The following RASGRP1 variants were observed in gnomAD, a reference collection of about 807,000 sequenced individuals.
RASGRP1 encodes RAS guanyl releasing protein 1.
Under a neutral mutation model 95.1 loss-of-function variants are expected in RASGRP1, and 37 were observed. The ratio of observed to expected loss-of-function variants is 0.39; its 90% CI spans 0.30 to 0.51. RASGRP1 has a LOEUF of 0.51. Ranked by LOEUF, RASGRP1 falls within the 20% of genes least tolerant of loss-of-function variation. The pLI is 0.80. For missense variants in RASGRP1, 711 were observed against 965.4 expected, an observed-to-expected ratio of 0.74 and a Z score of 3.49; for synonymous variants, 325 against 353.4, an observed-to-expected ratio of 0.92 and a Z score of 0.90.
At chr15:38,527,423 G>A (rs774531428) in intron 2 of RASGRP1, among the ~76,000 whole-genome samples, 4 of 152,142 alleles carry the variant, frequency 2.6e-5, no homozygotes, top group African/African-American at 7.2e-5. Context: ...ACCAGCTCTC[G>A]TTGGATCTAA....
intron 2 of RASGRP1, among the ~76,000 whole-genome samples, chr15:38,546,032 T>C (rs1893090507): frequency 6.6e-6 from 1 of 152,192 alleles, no homozygotes; most frequent in Non-Finnish European, 1.5e-5. Context: ...TTTTTTGGCA[T>C]AGCCATTATA....
chr15:38,526,003 T>G (rs184153946), intron 3 of RASGRP1, among the ~76,000 whole-genome samples: 34 of 152,312 alleles, frequency 2.2e-4, no homozygotes, highest in African/African-American at 7.9e-4. Context: ...GAATATCTAT[T>G]TTGCACACTC....
chr15:38,560,791 A>G (rs982928412), intron 1 of RASGRP1, among the ~76,000 whole-genome samples: 3 of 152,218 alleles, frequency 2.0e-5, no homozygotes, highest in African/African-American at 7.2e-5. Flanking sequence ...CAGAAAGCAG[A>G]GCTGTGAGAG....
intron 8 of RASGRP1, among the ~76,000 whole-genome samples, chr15:38,509,403 T>A (rs959227700): frequency 3.3e-5 from 5 of 152,182 alleles, no homozygotes; most frequent in Non-Finnish European, 7.4e-5. Flanking sequence ...TAAGATTTCA[T>A]CATGCTACTC....
At chr15:38,564,310 G>A (rs1179779353) in intron 1 of RASGRP1, among the ~76,000 whole-genome samples, 1 of 152,132 alleles carries the variant, frequency 6.6e-6, no homozygotes, top group Non-Finnish European at 1.5e-5. Flanking sequence ...GGCGGGCGCC[G>A]GCTCCGCGAA....
intron 6 of RASGRP1, among the ~76,000 whole-genome samples, chr15:38,515,491 A>T (rs1320191277): frequency 6.6e-6 from 1 of 152,182 alleles, no homozygotes; most frequent in African/African-American, 2.4e-5. Context: ...TTGGGATCAC[A>T]TATGGATTGC....
intron 2 of RASGRP1, among the ~76,000 whole-genome samples, chr15:38,548,245 G>A (rs996476131): frequency 1.3e-5 from 2 of 152,040 alleles, no homozygotes; most frequent in Admixed American, 6.6e-5. Flanking sequence ...TTTGTCCTAG[G>A]TTTGAGGACA....
rs1891319390 is a variant in RASGRP1 at position 38,507,738 on chromosome 15, T to A, written c.1230A>T (p.Val410=). 2.6e-6 allele frequency: 4 copies of A among 1,568,256 alleles called. No individual in the cohort carries two copies. The East Asian group carries it at 9.4e-5, about 37-fold the overall frequency. The stretch of plus-strand genomic sequence containing the variant: ...GTGTGAGCCTCACCGTCAGCAAGTG[T>A]ACCAAGTCCTTGTTAGCCTCCAAGG... ...APPLEANKDL[V]HLLTLSLDLY... is the part of the protein sequence containing the mutation. The change falls in exon 9 of 17, where the codon GTA becomes GTT. Residue 410 remains valine (V), a synonymous_variant. Coordinates refer to ENST00000310803, the MANE Select transcript of RASGRP1 (RefSeq NM_005739.4).
intron 3 of RASGRP1, among the ~76,000 whole-genome samples, chr15:38,521,979 C>T (rs375727469): frequency 2.0e-5 from 3 of 152,154 alleles, no homozygotes; most frequent in East Asian, 1.9e-4. Context: ...CCTTTCCCTA[C>T]CCCAGGTTAC....
At chr15:38,505,747 C>G (rs2141099585) in intron 10 of RASGRP1, 93 bp downstream of exon 10, 2 of 1,016,938 alleles carry the variant, frequency 2.0e-6, no homozygotes, top group Non-Finnish European at 1.5e-6. Context: ...ATGTATTAAA[C>G]TGAACTGAAA....
chr15:38,548,995 A>C (rs1013450658), intron 2 of RASGRP1, among the ~76,000 whole-genome samples: 2 of 152,220 alleles, frequency 1.3e-5, no homozygotes, highest in African/African-American at 4.8e-5. Flanking sequence ...CAAGCCAAAC[A>C]GTCAGGTGGA....
chr15:38,503,264 G>T lies in RASGRP1; in HGVS notation c.1428+8C>A. 6.3e-7 allele frequency: 1 copy of T among 1,592,868 alleles called. No individual in the cohort carries two copies. Among genetic ancestry groups the T allele is most frequent in the Non-Finnish European group, 8.6e-7 (1 of 1,162,718 alleles). On this transcript the variant is annotated splice_region_variant and intron_variant, in intron 11 of 16. Transcript: ENST00000310803. ...TAGTTTTTGTGTGCTGAACACAGCT[G>T]TACTTACATCCACCATCCTCTGGAC...
chr15:38,521,479 G>A (rs987451652), intron 3 of RASGRP1, among the ~76,000 whole-genome samples: 6 of 152,134 alleles, frequency 3.9e-5, no homozygotes, highest in Admixed American at 2.0e-4. Context: ...CAGTCTACAC[G>A]TGAGTGCTGA....
In RASGRP1 at chr15:38,502,380, A is replaced by C; in HGVS notation, c.1470T>G (p.Ile490Met). 6.2e-7 allele frequency: 1 copy of C among 1,606,896 alleles called. No individual in the cohort carries two copies. Among genetic ancestry groups the C allele is most frequent in the Non-Finnish European group, 8.5e-7 (1 of 1,173,472 alleles). The change falls in exon 12 of 17, where the codon ATT (isoleucine) becomes ATG (methionine). Residue 490 changes from isoleucine (I) to methionine (M), a missense_variant. Ile to Met is a conservative substitution (Grantham distance 10, BLOSUM62 1). Transcript: ENST00000310803. ...CAATCTTTTCAAATTCTTCCTGAGAAATGTATCCATCCTGGTCGTGATCAT... is the reference window on the plus strand; with the variant it reads ...CAATCTTTTCAAATTCTTCCTGAGACATGTATCCATCCTGGTCGTGATCAT... ...KNYDHDQDGY[I>M]SQEEFEKIAA...
chr15:38,562,890 G>A (rs970807660), intron 1 of RASGRP1, among the ~76,000 whole-genome samples: 4 of 152,198 alleles, frequency 2.6e-5, no homozygotes, highest in African/African-American at 9.7e-5. Context: ...GATTCTTGAA[G>A]GTTGATGCTT....
chr15:38,501,107 C>T, intron 13 of RASGRP1, 36 bp downstream of exon 13: 1 of 1,554,178 alleles, frequency 6.4e-7, no homozygotes, highest in Non-Finnish European at 8.7e-7. Context: ...CACTCTTCCC[C>T]AAATTCAGCC....
At chr15:38,547,823 C>T (rs1214026188) in intron 2 of RASGRP1, among the ~76,000 whole-genome samples, 1 of 152,100 alleles carries the variant, frequency 6.6e-6, no homozygotes, top group African/African-American at 2.4e-5. Flanking sequence ...GTGGCACAGT[C>T]ATGACATTTC....
rs139813329 is a variant in RASGRP1 at position 38,525,692 on chromosome 15, G to A, written c.326+607C>T. On this transcript the variant is annotated intron_variant, in intron 3 of 16. Coordinates refer to ENST00000310803, the MANE Select transcript of RASGRP1 (RefSeq NM_005739.4). Reference sequence around the variant, plus strand: ...CTTGGGTGCTAAACGGTCTCACTCCGCCTACAACTCTTCTTTTGTGGGGGC... The same window carrying A: ...CTTGGGTGCTAAACGGTCTCACTCCACCTACAACTCTTCTTTTGTGGGGGC... Among the ~76,000 whole-genome samples, 53 of 152,266 alleles carry A rather than the reference G, an allele frequency of 3.5e-4. No individual in the cohort carries two copies. In the East Asian group the frequency reaches 7.2e-3, roughly 21 times the overall value.
intron 2 of RASGRP1, among the ~76,000 whole-genome samples, chr15:38,552,677 A>G (rs1566937520): frequency 6.6e-6 from 1 of 152,218 alleles, no homozygotes; most frequent in Admixed American, 6.6e-5. Context: ...GTGAGTTTTG[A>G]GTATTTCTTA....
Sources: gnomAD v4.1 joint callset for allele counts (sites outside exome capture counted in the v4.1 genomes callset) on GRCh38, gnomAD v4.1.1 for gene constraint, MANE v1.5 for transcripts, NCBI Gene and HGNC (gene_info 2026-07-23, HGNC 2026-07-21) for gene names.